MACROH2A1: variants seen among roughly 807,000 people sequenced by gnomAD.
MACROH2A1 encodes core histone macro-H2A.1.
In MACROH2A1, 2 loss-of-function variants were observed where a neutral mutation model predicts 31.6. The observed-to-expected ratio is 0.06, with a 90% CI of 0.03 to 0.20. MACROH2A1 has a LOEUF of 0.20. MACROH2A1 is among the 10% of genes least tolerant of loss of function. The pLI is 1.00. For synonymous variants in MACROH2A1, 169 were observed against 189.6 expected (o/e 0.89, Z 0.89); for missense variants, 230 against 474.0 (o/e 0.49, Z 4.78).
intron 5 of MACROH2A1, chr5:135,353,421 G>C (rs1204989871): frequency 4.4e-6 from 1 of 227,876 alleles, no homozygotes; most frequent in African/African-American, 2.3e-5. Context: ...GGATGTGACT[G>C]TCCTCATCCT....
chr5:135,351,082 C>A, intron 6 of MACROH2A1: 1 of 500,870 alleles, frequency 2.0e-6, no homozygotes, highest in Non-Finnish European at 3.6e-6. Context: ...GGGGTGAGGA[C>A]AGGAGGAGGA....
rs192124081 is a variant in MACROH2A1, at chr5:135,389,729, C to A, written c.-33-603G>T. On this transcript the variant is annotated intron_variant, in intron 1 of 8. Transcript: ENST00000511689. ...TTTTTTCCTTCCTTGCTCCCAATCCCCATCCAGTCACCCAGTCCAGAGGAA... is the reference window on the plus strand; with the variant it reads ...TTTTTTCCTTCCTTGCTCCCAATCCACATCCAGTCACCCAGTCCAGAGGAA... Among the ~76,000 whole-genome samples, 36 of 152,312 alleles carry A rather than the reference C, an allele frequency of 2.4e-4. 1 individual carries two copies.
At chr5:135,364,638 G>C (rs1229669721) in intron 4 of MACROH2A1, among the ~76,000 whole-genome samples, 1 of 152,206 alleles carries the variant, frequency 6.6e-6, no homozygotes, top group African/African-American at 2.4e-5. Flanking sequence ...TTAGGTCAGA[G>C]TCAGCTGGGA....
At chr5:135,360,421 G>T in intron 5 of MACROH2A1, 76 bp downstream of exon 5, 1 of 975,686 alleles carries the variant, frequency 1.0e-6, no homozygotes. Flanking sequence ...GATCCCCCCA[G>T]CCTTCCAGTG....
chr5:135,357,871 G>C, intron 5 of MACROH2A1: 1 of 985,006 alleles, frequency 1.0e-6, no homozygotes, highest in Non-Finnish European at 1.2e-6. Flanking sequence ...CCTAAGCCTG[G>C]GCCATGCTTC....
chr5:135,383,700 GGTGTGTGTGTGTGTGTGTGTGTGT>G (rs61338247), intron 2 of MACROH2A1, among the ~76,000 whole-genome samples: 15 of 137,150 alleles, frequency 1.1e-4, no homozygotes, highest in Non-Finnish European at 2.0e-4. Context: ...GATGTGGTGT[GGTGTGTGTGTGTGTGTGTGTGTGT>G]GTGTGTGTGT....
chr5:135,354,836 T>G (rs1042984803), intron 5 of MACROH2A1: 14 of 339,776 alleles, frequency 4.1e-5, no homozygotes, highest in South Asian at 2.8e-4. Flanking sequence ...AAACTCAAAT[T>G]AAGCCAATAC....
intron 7 of MACROH2A1, chr5:135,345,723 G>A: frequency 2.3e-6 from 1 of 442,746 alleles, no homozygotes; most frequent in Non-Finnish European, 4.1e-6. Context: ...CTTAAAATTT[G>A]TGATCTAGAC....
intron 2 of MACROH2A1, among the ~76,000 whole-genome samples, chr5:135,381,906 CTGTT>C (rs1338761929): frequency 1.3e-5 from 2 of 152,176 alleles, no homozygotes; most frequent in Non-Finnish European, 2.9e-5. Context: ...CTAGTATAAA[CTGTT>C]TGAAGAAATG....
At chr5:135,341,336 G>C (rs979739689) in intron 8 of MACROH2A1, among the ~76,000 whole-genome samples, 1 of 148,364 alleles carries the variant, frequency 6.7e-6, no homozygotes, top group African/African-American at 2.6e-5. Flanking sequence ...AGAGATGTGA[G>C]GCCAGGGAAG....
intron 2 of MACROH2A1, among the ~76,000 whole-genome samples, chr5:135,374,876 G>A (rs1160641028): frequency 2.0e-5 from 3 of 152,130 alleles, no homozygotes; most frequent in Non-Finnish European, 2.9e-5. Flanking sequence ...AGGAAGAAAC[G>A]GAAAAGAACA....
intron 1 of MACROH2A1, among the ~76,000 whole-genome samples, chr5:135,391,446 C>G (rs1767223964): frequency 6.6e-6 from 1 of 152,180 alleles, no homozygotes; most frequent in African/African-American, 2.4e-5. Flanking sequence ...AGAAAGGATC[C>G]GTTAGCACTC....
chr5:135,334,912 A>ATTTTT lies in MACROH2A1; in HGVS notation c.*59_*63dup. 7.6e-7 allele frequency: 1 copy of ATTTTT among 1,322,028 alleles called. No homozygotes were observed. Among genetic ancestry groups the ATTTTT allele is most frequent in the Non-Finnish European group, 1.1e-6 (1 of 950,946 alleles). 81.9% of individuals were successfully genotyped at this position (1,322,028 alleles called of 1,614,324 possible). A position where few individuals can be genotyped will look rare whatever the true frequency, so the allele number is the denominator to read the frequency against. On this transcript the variant is annotated 3_prime_UTR_variant, in exon 9 of 9. Coordinates refer to ENST00000511689, the MANE Select transcript of MACROH2A1 (RefSeq NM_138610.3). Reference sequence around the variant, plus strand: ...CCACCTCCCAGTAGGAGTGAAGGGGATTTTTTTTTTCTTTTAAACTGAAGG... The same window carrying ATTTTT: ...CCACCTCCCAGTAGGAGTGAAGGGGATTTTTTTTTTTTTTTCTTTTAAACTGAAGG...
At chr5:135,348,804 A>C (rs1056122475) in intron 6 of MACROH2A1, among the ~76,000 whole-genome samples, 1 of 152,116 alleles carries the variant, frequency 6.6e-6, no homozygotes, top group Non-Finnish European at 1.5e-5. Context: ...CCTGCTGAGG[A>C]TTTCTGCAGG....
chr5:135,336,820 G>T (rs894426864), intron 8 of MACROH2A1, among the ~76,000 whole-genome samples: 1 of 152,230 alleles, frequency 6.6e-6, no homozygotes, highest in African/African-American at 2.4e-5. Context: ...ACAGAGGACA[G>T]GTTATCTGGA....
At chr5:135,387,932 A>G (rs1405598770) in intron 2 of MACROH2A1, among the ~76,000 whole-genome samples, 4 of 152,122 alleles carry the variant, frequency 2.6e-5, no homozygotes, top group African/African-American at 7.2e-5. Context: ...ACATGGCAAA[A>G]GGATATCAGA....
Position 135,369,243 on chromosome 5 carries a change from G to A in MACROH2A1, c.477+163C>T, listed in dbSNP as rs1342143151. 9 of 698,032 alleles carry A rather than the reference G, an allele frequency of 1.3e-5. No homozygotes were observed. The Admixed American group carries it at 1.6e-4, about 12-fold the overall frequency. 43.2% of individuals were successfully genotyped at this position (698,032 alleles called of 1,614,324 possible). A position where few individuals can be genotyped will look rare whatever the true frequency, so the allele number is the denominator to read the frequency against. ...GGGCCTCCTGACTCTGGCTACTTGTGTTGGACTAGCCCCTCTGGAGAGTAA... is the reference window on the plus strand; with the variant it reads ...GGGCCTCCTGACTCTGGCTACTTGTATTGGACTAGCCCCTCTGGAGAGTAA... On this transcript the variant is annotated intron_variant, in intron 4 of 8. Coordinates refer to ENST00000511689, the MANE Select transcript of MACROH2A1 (RefSeq NM_138610.3). This position sits in a 1 kb window ranked among gnomAD's most constrained non-coding sequence, Gnocchi z 4.3.
chr5:135,350,505 T>C (rs1761392722), intron 6 of MACROH2A1, among the ~76,000 whole-genome samples: 1 of 152,160 alleles, frequency 6.6e-6, no homozygotes, highest in South Asian at 2.1e-4. Context: ...GCCTGTATTG[T>C]TCCTGCAGCT....
Position 135,334,991 on chromosome 5 carries a change from C to G in MACROH2A1, c.1104G>C (p.Lys368Asn). Reference protein sequence around the residue: ...SIGIYVQEMAKLDAN With the variant: ...SIGIYVQEMANLDAN ...ATTGCTCAGCCTAGTTGGCGTCCAG[C>G]TTGGCCATTTCCTGCACATAGATGC... Residue 368 changes from lysine (K) to asparagine (N), a missense_variant, in exon 9 of 9, where the codon AAG becomes AAC. Transcript: ENST00000511689. 1 of 1,613,940 alleles carries G rather than the reference C, an allele frequency of 6.2e-7. No homozygotes were observed. The highest frequency in any genetic ancestry group is 1.1e-5 in the South Asian group (1 of 91,058).
Sources: allele counts gnomAD v4.1 joint callset (sites outside exome capture counted in the v4.1 genomes callset), GRCh38; gene constraint gnomAD v4.1.1; non-coding constraint Gnocchi (gnomAD v3.1); transcripts MANE v1.5; gene names NCBI Gene and HGNC (gene_info 2026-07-23, HGNC 2026-07-21).